Variants in CMC1 observed in about 807,000 individuals in gnomAD.
CMC1 encodes the protein C-X9-C motif containing 1, also known as COX assembly mitochondrial protein homolog.
In CMC1, 14 loss-of-function variants were observed where a neutral mutation model predicts 14.1. The ratio of observed to expected loss-of-function variants is 0.99; its 90% confidence interval spans 0.66 to 1.55. CMC1 has a LOEUF of 1.55. CMC1 is among the 40% of genes most tolerant of loss of function. The probability of loss-of-function intolerance (pLI) is 0.00; values close to 1 mark genes in which losing one functional copy is unlikely to be tolerated. For synonymous variants in CMC1, 50 were observed against 38.4 expected (o/e 1.30, Z -1.12); for missense variants, 127 against 123.8 (o/e 1.03, Z -0.12).
intron 1 of CMC1, among the ~76,000 whole-genome samples, chr3:28,253,300 G>A (rs891258648): frequency 1.3e-5 from 2 of 152,104 alleles, no homozygotes; most frequent in African/African-American, 2.4e-5. Flanking sequence ...GGGACCAGTC[G>A]GACGTGGCAG....
At position 28,253,837 on chromosome 3, in the gene CMC1, T is replaced by G. The variant is rs921985580; in HGVS notation, c.20-9454T>G. ...AAGTATCAAATTAGTTAAATTAGAATGTTTTCATTATTGAAAGGGCATAAC... is the reference window on the plus strand; with the variant it reads ...AAGTATCAAATTAGTTAAATTAGAAGGTTTTCATTATTGAAAGGGCATAAC... On this transcript the variant is annotated intron_variant, in intron 1 of 3. Coordinates refer to ENST00000466830, the MANE Select transcript of CMC1 (RefSeq NM_182523.2). The G allele has an allele frequency of 8.7e-6, 6 of 685,836 alleles. No individual in the cohort carries two copies. The African/African-American group carries it at 1.1e-4, about 13-fold the overall frequency. The allele number at this position is 685,836 out of a possible 1,614,324, so 42.5% of individuals were successfully genotyped here. A position where few individuals can be genotyped will look rare whatever the true frequency, so the allele number is the denominator to read the frequency against.
chr3:28,291,770 T>G (rs1701479884), intron 2 of CMC1: 1 of 152,160 alleles, frequency 6.6e-6, no homozygotes, highest in Admixed American at 6.6e-5. Context: ...TTATGTACTT[T>G]CCTGAAGCCT....
At chr3:28,279,118 A>G (rs1242667312) in intron 2 of CMC1, among the ~76,000 whole-genome samples, 1 of 152,226 alleles carries the variant, frequency 6.6e-6, no homozygotes, top group African/African-American at 2.4e-5. Context: ...AACTACCCGA[A>G]AGCACTGGAG....
intron 2 of CMC1, among the ~76,000 whole-genome samples, chr3:28,274,212 G>GTTTTTTTTTTTTTTTTTTTTTTTTTTTTT (rs376321066): frequency 4.5e-5 from 4 of 88,168 alleles, no homozygotes; most frequent in African/African-American, 9.7e-5. Flanking sequence ...AAGTGTTTTT[G>GTTTTTTTTTTTTTTTTTTTTTTTTTTTTT]TTTTTTTCTT....
intron 2 of CMC1, among the ~76,000 whole-genome samples, chr3:28,271,672 C>G (rs565748549): frequency 6.6e-6 from 1 of 152,252 alleles, no homozygotes; most frequent in South Asian, 2.1e-4. Flanking sequence ...ATTGTCTTGG[C>G]TATATGGGCT....
chr3:28,293,654 T>C (rs1392494100), intron 2 of CMC1, among the ~76,000 whole-genome samples: 1 of 152,182 alleles, frequency 6.6e-6, no homozygotes, highest in African/African-American at 2.4e-5. Context: ...TGCTCTCGGC[T>C]CACTGCAGCC....
chr3:28,295,234 G>T (rs530801687), intron 2 of CMC1, among the ~76,000 whole-genome samples: 1 of 152,144 alleles, frequency 6.6e-6, no homozygotes, highest in East Asian at 1.9e-4. Context: ...AGTAACTTAG[G>T]TACTTTTACA....
intron 2 of CMC1, among the ~76,000 whole-genome samples, chr3:28,309,821 C>CCCCACACACACA (rs748593868): frequency 7.6e-6 from 1 of 131,792 alleles, no homozygotes; most frequent in South Asian, 2.5e-4. Context: ...CTGATATTTA[C>CCCCACACACACA]CACACACACA....
intron 1 of CMC1, among the ~76,000 whole-genome samples, chr3:28,250,699 G>A (rs1444607281): frequency 6.6e-6 from 1 of 152,154 alleles, no homozygotes; most frequent in African/African-American, 2.4e-5. Flanking sequence ...AGCTGCTGGT[G>A]GGACTTAGAA....
chr3:28,292,458 T>C (rs2063956774), intron 2 of CMC1, among the ~76,000 whole-genome samples: 1 of 152,160 alleles, frequency 6.6e-6, no homozygotes, highest in African/African-American at 2.4e-5. Flanking sequence ...GGTAAAGCTT[T>C]TTCAATTGAT....
At chr3:28,267,194 T>TATTAA (rs747004516) in intron 2 of CMC1, among the ~76,000 whole-genome samples, 62 of 152,338 alleles carry the variant, frequency 4.1e-4, no homozygotes, top group Non-Finnish European at 7.9e-4. Context: ...TTGTTTGCCG[T>TATTAA]ATATAGGTAA....
chr3:28,299,146 A>AGAT (rs1483797640), intron 2 of CMC1, among the ~76,000 whole-genome samples: 1 of 152,088 alleles, frequency 6.6e-6, no homozygotes, highest in African/African-American at 2.4e-5. Context: ...GTTCAAATTA[A>AGAT]TCAGATTCTG....
In CMC1 at chr3:28,319,581, T is replaced by C. The variant is rs201538092; in HGVS notation, c.273T>C (p.Thr91=). Residue 91 remains threonine (T), a synonymous_variant, in exon 4 of 4, where the codon ACT becomes ACC. Coordinates refer to ENST00000466830, the MANE Select transcript of CMC1 (RefSeq NM_182523.2). ...YLKEREEFRK[T]GIPTKKRLQK... ...AGGAAAGGGAAGAATTCAGAAAAAC[T>C]GGAATTCCTACAAAGAAAAGGCTAC... 1.2e-6 allele frequency: 2 copies of C among 1,609,416 alleles called. No homozygotes were observed. The highest frequency in any genetic ancestry group is 1.7e-6 in the Non-Finnish European group (2 of 1,177,032).
At chr3:28,301,945 T>C (rs924949403) in intron 2 of CMC1, among the ~76,000 whole-genome samples, 2 of 151,254 alleles carry the variant, frequency 1.3e-5, no homozygotes. Flanking sequence ...CTGGCTACCT[T>C]GCGAGTTAAG....
At chr3:28,292,483 T>C (rs891880028) in intron 2 of CMC1, among the ~76,000 whole-genome samples, 1 of 152,172 alleles carries the variant, frequency 6.6e-6, no homozygotes, top group African/African-American at 2.4e-5. Context: ...TTAGTTCATG[T>C]CATTCCCCAC....
At chr3:28,295,593 C>G (rs1423785375) in intron 2 of CMC1, among the ~76,000 whole-genome samples, 1 of 152,174 alleles carries the variant, frequency 6.6e-6, no homozygotes, top group East Asian at 1.9e-4. Context: ...TTCTGTAACT[C>G]TTACCACATT....
chr3:28,274,206 G>GTTTTTTTTTTTTTTT lies in CMC1; in HGVS notation c.109+10831_109+10832insTTTTTTTTTTTTTTT, dbSNP rs1265139321. On this transcript the variant is annotated intron_variant, in intron 2 of 3. Transcript: ENST00000466830. The stretch of plus-strand genomic sequence containing the variant: ...GTGTCATTGGTCTTTGTACTAAAGT[G>GTTTTTTTTTTTTTTT]TTTTTGTTTTTTTCTTTTTTTTTTT... Among the ~76,000 whole-genome samples, 269 of 82,982 alleles carry GTTTTTTTTTTTTTTT rather than the reference G, an allele frequency of 3.2e-3. 26 individuals are homozygous for GTTTTTTTTTTTTTTT. Among genetic ancestry groups the GTTTTTTTTTTTTTTT allele is most frequent in the East Asian group, 0.017 (38 of 2,242 alleles). The allele number at this position is 82,982 out of a possible 152,430, so 54.4% of individuals were successfully genotyped here.
At chr3:28,248,934 C>T (rs1007881486) in intron 1 of CMC1, among the ~76,000 whole-genome samples, 4 of 152,186 alleles carry the variant, frequency 2.6e-5, no homozygotes, top group African/African-American at 7.2e-5. Flanking sequence ...GGACTACAGG[C>T]GCCCACCACC....
chr3:28,324,290 A>G lies in CMC1; in HGVS notation c.*4661A>G. ...CATGATTGGAGGATTGCTTTCTCTG[A>G]TAAAACCTTTACATCTCCTGGTAAA... On this transcript the variant is annotated 3_prime_UTR_variant, in exon 4 of 4. Transcript: ENST00000466830. 1 of 1,608,560 alleles carries G rather than the reference A, an allele frequency of 6.2e-7. No individual in the cohort carries two copies. The highest frequency in any genetic ancestry group is 8.5e-7 in the Non-Finnish European group (1 of 1,176,354).
Sources: gnomAD v4.1 joint callset for allele counts (sites outside exome capture counted in the v4.1 genomes callset) on GRCh38, gnomAD v4.1.1 for gene constraint, MANE v1.5 for transcripts, NCBI Gene and HGNC (gene_info 2026-07-23, HGNC 2026-07-21) for gene names.